The following TRANK1 variants were observed in gnomAD, a reference collection of about 807,000 sequenced individuals.
TRANK1 encodes the protein TPR and ankyrin repeat-containing protein 1.
TRANK1 carries 198 observed loss-of-function variants against 266.0 expected under a neutral mutation model. The ratio of observed to expected loss-of-function variants is 0.74; its 90% CI spans 0.66 to 0.84. The LOEUF (loss-of-function observed/expected upper bound fraction) is 0.84. Among genes scored for constraint, TRANK1 ranks in the 40% least tolerant of loss-of-function variants. The pLI is 0.00. For missense variants in TRANK1, 3,326 were observed against 3,634.6 expected (o/e 0.92, Z 2.18); for synonymous variants, 1,396 against 1,384.1 (o/e 1.01, Z -0.19).
intron 1 of TRANK1, among the ~76,000 whole-genome samples, chr3:36,929,049 C>T (rs1486111798): frequency 2.6e-5 from 4 of 151,574 alleles, no homozygotes; most frequent in African/African-American, 9.7e-5. Flanking sequence ...CCAGGTGAGG[C>T]TTAAAGGATA....
Position 36,857,867 on chromosome 3 carries a change from T to G in TRANK1, c.1855A>C (p.Ile619Leu), listed in dbSNP as rs768820117. 2 of 1,613,486 alleles carry G rather than the reference T, an allele frequency of 1.2e-6. No individual in the cohort carries two copies. The highest frequency in any genetic ancestry group is 1.7e-5 in the Admixed American group (1 of 60,036). Residue 619 changes from isoleucine (I) to leucine (L), a missense_variant, in exon 13 of 24, where the codon ATC (isoleucine) becomes CTC (leucine). Coordinates refer to ENST00000645898, the MANE Select transcript of TRANK1 (RefSeq NM_001329998.2). The surrounding 1 kb of genome is among the most constrained non-coding windows in gnomAD (Gnocchi z 4.3). ...TCTTTGTTCTTCAGATTGAAGTTGA[T>G]GTCAAACTTCACCAGCAGGTCTAAC... The part of the protein sequence containing the change: ...KLLDLLVKFD[I>L]NFNLKNKEGK...
rs1026042003 is a variant in TRANK1, at chr3:36,856,492, C to T, written c.3230G>A (p.Arg1077Gln). 2 of 1,613,990 alleles carry T rather than the reference C, an allele frequency of 1.2e-6. No individual in the cohort carries two copies. Among genetic ancestry groups the T allele is most frequent in the Admixed American group, 1.7e-5 (1 of 60,016 alleles). The change falls in exon 13 of 24, where the codon CGA (arginine) becomes CAA (glutamine). Residue 1077 changes from arginine (R) to glutamine (Q), a missense_variant. Physicochemically the swap from Arg to Gln is conservative, Grantham distance 43 (BLOSUM62 1). Coordinates refer to ENST00000645898, the MANE Select transcript of TRANK1 (RefSeq NM_001329998.2). Reference sequence around the variant, plus strand: ...GCAGGTTGTCTTCCCAGTGCCACTTCGCCCAATAAGGATGATGGGCTCCAG... The same window carrying T: ...GCAGGTTGTCTTCCCAGTGCCACTTTGCCCAATAAGGATGATGGGCTCCAG... ...RPLEPIILIG[R>Q]SGTGKTTCCL...
At chr3:36,881,174 G>A (rs1183865860) in intron 8 of TRANK1, among the ~76,000 whole-genome samples, 1 of 151,820 alleles carries the variant, frequency 6.6e-6, no homozygotes, top group African/African-American at 2.4e-5. Flanking sequence ...TTATTTGCCC[G>A]GGTGTGGTAG....
rs1233738691 is a variant in TRANK1, at chr3:36,846,326, G to A, written c.5113C>T (p.Arg1705Ter). ...TTGAATGCGGGAGCCCGTTTCTCTC[G>A]GTTTTCATCAAAGATCCAGAGGTTG... ...RVNLWIFDENREKRAPAFKYF... is the reference protein window; with the variant it reads ...RVNLWIFDEN The change falls in exon 17 of 24, where the codon CGA becomes TGA. Residue 1705 changes from arginine to a stop codon, truncating the protein, a stop_gained. Coordinates refer to ENST00000645898, the MANE Select transcript of TRANK1 (RefSeq NM_001329998.2). LOFTEE classifies it high-confidence loss of function. The A allele has an allele frequency of 8.7e-6, 14 of 1,613,542 alleles. No homozygotes were observed. The highest frequency in any genetic ancestry group is 1.7e-5 in the Admixed American group (1 of 59,966).
chr3:36,828,388 A>AGAAAGAAG lies in TRANK1; in HGVS notation c.8810-14_8810-13insCTTCTTTC, dbSNP rs2078654627. 7 of 1,013,804 alleles carry AGAAAGAAG rather than the reference A, an allele frequency of 6.9e-6. No homozygotes were observed. The highest frequency in any genetic ancestry group is 8.6e-6 in the Non-Finnish European group (6 of 697,208). 62.8% of individuals were successfully genotyped at this position (1,013,804 alleles called of 1,614,324 possible). A position where few individuals can be genotyped will look rare whatever the true frequency, so the allele number is the denominator to read the frequency against. ...TCCTGAACAATACCTGAAGAAAGAAAGAAGGAAGGAAGGAAGGAAGGAAAG... is the reference window on the plus strand; with the variant it reads ...TCCTGAACAATACCTGAAGAAAGAAAGAAAGAAGGAAGGAAGGAAGGAAGGAAGGAAAG... On this transcript the variant is annotated splice_polypyrimidine_tract_variant and intron_variant, in intron 23 of 23. Transcript: ENST00000645898.
At chr3:36,909,532 A>G (rs1208765815) in intron 1 of TRANK1, among the ~76,000 whole-genome samples, 1 of 152,208 alleles carries the variant, frequency 6.6e-6, no homozygotes, top group African/African-American at 2.4e-5. Flanking sequence ...TTGGTAGGGT[A>G]GGGTAGGTCT....
chr3:36,848,362 T>C (rs1414810036), intron 15 of TRANK1, among the ~76,000 whole-genome samples: 2 of 152,244 alleles, frequency 1.3e-5, no homozygotes, highest in East Asian at 3.8e-4. Context: ...CAACAGGCTG[T>C]AGTTTACAGA....
intron 8 of TRANK1, among the ~76,000 whole-genome samples, chr3:36,877,460 A>G (rs951026366): frequency 6.6e-6 from 1 of 152,234 alleles, no homozygotes; most frequent in Admixed American, 6.5e-5. Flanking sequence ...TAACAAGGAA[A>G]TCATCCTATA....
chr3:36,831,324 C>A lies in TRANK1; in HGVS notation c.8259G>T (p.Glu2753Asp), dbSNP rs745479695. Reference sequence around the variant, plus strand: ...CCTTTTTGAAGTTCCCAGCCCTGGGCTCCCTGGCCTCCTCCCTGACACGCT... The same window carrying A: ...CCTTTTTGAAGTTCCCAGCCCTGGGATCCCTGGCCTCCTCCCTGACACGCT... The part of the protein sequence containing the change: ...QMERVREEAR[E>D]PRAGNFKKAD... Residue 2753 changes from glutamate to aspartate, a missense_variant, in exon 22 of 24, where the codon GAG (glutamate) becomes GAT (aspartate). Physicochemically the swap from Glu to Asp is conservative, Grantham distance 45. Coordinates refer to ENST00000645898, the MANE Select transcript of TRANK1 (RefSeq NM_001329998.2). The surrounding 1 kb of genome is among the most constrained non-coding windows in gnomAD (Gnocchi z 5.0). 3 of 1,613,642 alleles carry A rather than the reference C, an allele frequency of 1.9e-6. No individual in the cohort carries two copies. Among genetic ancestry groups the A allele is most frequent in the Non-Finnish European group, 2.5e-6 (3 of 1,179,828 alleles).
At chr3:36,853,290 G>A (rs916640374) in intron 13 of TRANK1, among the ~76,000 whole-genome samples, 2 of 152,008 alleles carry the variant, frequency 1.3e-5, no homozygotes, top group African/African-American at 4.8e-5. Context: ...GACCTTCCTG[G>A]GTGTCTCCAC....
At chr3:36,878,381 G>A (rs1278132920) in intron 8 of TRANK1, among the ~76,000 whole-genome samples, 1 of 152,160 alleles carries the variant, frequency 6.6e-6, no homozygotes, top group African/African-American at 2.4e-5. Context: ...CACTGCTTTA[G>A]ATTACAAGAC....
At chr3:36,902,267 T>C (rs191783522) in intron 3 of TRANK1, among the ~76,000 whole-genome samples, 1 of 152,372 alleles carries the variant, frequency 6.6e-6, no homozygotes, top group Admixed American at 6.5e-5. Flanking sequence ...AGTCAGTGTC[T>C]ACTTATTATG....
In TRANK1 at chr3:36,879,743, AATATATAAATATATATAAAT is replaced by A. The variant is rs1207332782; in HGVS notation, c.908-5467_908-5448del. 1.7e-4 allele frequency among the ~76,000 whole-genome samples: 18 copies of A among 105,328 alleles called. 1 individual carries two copies. Among genetic ancestry groups the A allele is most frequent in the South Asian group, 2.7e-4 (1 of 3,676 alleles). 69.1% of individuals were successfully genotyped at this position (105,328 alleles called of 152,430 possible). ...ATATATAAATATATATAAATATACA[AATATATAAATATATATAAAT>A]ATATATAAATATATATAAATATGTA... On this transcript the variant is annotated intron_variant, in intron 8 of 23. Coordinates refer to ENST00000645898, the MANE Select transcript of TRANK1 (RefSeq NM_001329998.2).
chr3:36,900,111 G>C (rs756277074), intron 3 of TRANK1, among the ~76,000 whole-genome samples: 4 of 152,058 alleles, frequency 2.6e-5, no homozygotes, highest in East Asian at 1.9e-4. Context: ...TTCCTGCCTC[G>C]GCCTCCCAAA....
At chr3:36,849,961 G>A in intron 15 of TRANK1, 5 of 943,254 alleles carry the variant, frequency 5.3e-6, no homozygotes, top group South Asian at 4.9e-5. Flanking sequence ...TGAGCCATTG[G>A]TGGGAGCACC....
intron 11 of TRANK1, among the ~76,000 whole-genome samples, chr3:36,859,619 G>C (rs2079107272): frequency 6.6e-6 from 1 of 152,040 alleles, no homozygotes. Context: ...CAGCTCCTCT[G>C]CATCAAAGTT....
At chr3:36,935,046 A>T (rs75543397) in intron 1 of TRANK1, among the ~76,000 whole-genome samples, 2 of 152,112 alleles carry the variant, frequency 1.3e-5, no homozygotes, top group Non-Finnish European at 2.9e-5. Flanking sequence ...ATCATGTGCT[A>T]TGTGTCCAGA....
In TRANK1 at chr3:36,832,579, T is replaced by C; in HGVS notation, c.7004A>G (p.Gln2335Arg). The C allele has an allele frequency of 6.2e-7, 1 of 1,614,020 alleles. No homozygotes were observed. Among genetic ancestry groups the C allele is most frequent in the Non-Finnish European group, 8.5e-7 (1 of 1,179,888 alleles). Residue 2335 changes from glutamine to arginine, a missense_variant, in exon 22 of 24, where the codon CAA becomes CGA. Coordinates refer to ENST00000645898, the MANE Select transcript of TRANK1 (RefSeq NM_001329998.2). ...GTAGTTGGAAGAGAGAAGGAAAGCT[T>C]GCATGGCACTCAGCCACAGGTCTGT... ...ESTDLWLSAMQAFLLSSNYPE... is the reference protein window; with the variant it reads ...ESTDLWLSAMRAFLLSSNYPE...
At chr3:36,929,669 A>G (rs572325890) in intron 1 of TRANK1, among the ~76,000 whole-genome samples, 89 of 152,334 alleles carry the variant, frequency 5.8e-4, no homozygotes, top group Middle Eastern at 3.4e-3. Context: ...CCCCAAAGAC[A>G]TCCAGATCCC....
Sources: allele counts gnomAD v4.1 joint callset (sites outside exome capture counted in the v4.1 genomes callset), GRCh38; gene constraint gnomAD v4.1.1; non-coding constraint Gnocchi (gnomAD v3.1); transcripts MANE v1.5; gene names NCBI Gene and HGNC (gene_info 2026-07-23, HGNC 2026-07-21).